GCNT3: variants seen among roughly 807,000 people sequenced by gnomAD.
The protein encoded by GCNT3 is glucosaminyl (N-acetyl) transferase 3, mucin type, also known as beta-1,3-galactosyl-O-glycosyl-glycoprotein beta-1,6-N-acetylglucosaminyltransferase 3.
For missense variants in GCNT3, 708 were observed against 530.3 expected (o/e 1.34, Z -3.29); for synonymous variants, 269 against 195.2 (o/e 1.38, Z -3.15).
chr15:59,618,266 C>T lies in GCNT3; in HGVS notation c.28C>T (p.Leu10=), dbSNP rs1293284234. The change falls in exon 3 of 3, where the codon CTG becomes TTG. Residue 10 remains leucine, a synonymous_variant. Coordinates refer to ENST00000396065, the MANE Select transcript of GCNT3 (RefSeq NM_004751.3). ...GGTTCAATGGAAGAGACTCTGCCAG[C>T]TGCATTACTTGTGGGCTCTGGGCTG... is the stretch of plus-strand genomic sequence containing the variant. MVQWKRLCQ[L]HYLWALGCYM... is the part of the protein sequence containing the mutation. 1 of 1,586,970 alleles carries T rather than the reference C, an allele frequency of 6.3e-7. No homozygotes were observed. The highest frequency in any genetic ancestry group is 8.6e-7 in the Non-Finnish European group (1 of 1,166,328).
rs137893591 is a variant in GCNT3, at chr15:59,617,901, G to A, written c.-60-278G>A. 1,182 of 184,068 alleles carry A rather than the reference G, an allele frequency of 6.4e-3. 11 individuals carry two copies. The highest frequency in any genetic ancestry group is 0.026 in the Middle Eastern group (11 of 422). 11.4% of individuals were successfully genotyped at this position (184,068 alleles called of 1,614,324 possible). On this transcript the variant is annotated intron_variant, in intron 2 of 2. Coordinates refer to ENST00000396065, the MANE Select transcript of GCNT3 (RefSeq NM_004751.3). ...TGAGGAATGAAGGGTGGGTGGGGAC[G>A]TGCTCTTACTAATGACGCTCCATGG...
intron 1 of GCNT3, among the ~76,000 whole-genome samples, chr15:59,613,508 CA>C (rs2141932203): frequency 6.7e-6 from 1 of 149,318 alleles, no homozygotes; most frequent in Non-Finnish European, 1.5e-5. Context: ...CAAGACCAGC[CA>C]GGGGAACAGC....
In GCNT3 at chr15:59,619,095, C is replaced by T. The variant is rs1566908341; in HGVS notation, c.857C>T (p.Pro286Leu). The change falls in exon 3 of 3, where the codon CCC becomes CTC. Residue 286 changes from proline to leucine, a missense_variant. Physicochemically the swap from Pro to Leu is moderately conservative, Grantham distance 98. Coordinates refer to ENST00000396065, the MANE Select transcript of GCNT3 (RefSeq NM_004751.3). ...LHLTNKKKDPPPYNLTMFTGN... is the reference protein window; with the variant it reads ...LHLTNKKKDPLPYNLTMFTGN... The stretch of plus-strand genomic sequence containing the variant: ...CTAACCAACAAGAAGAAGGATCCTC[C>T]CCCTTATAATTTAACTATGTTTACA... 6.2e-7 allele frequency: 1 copy of T among 1,613,994 alleles called. No individual in the cohort carries two copies. Among genetic ancestry groups the T allele is most frequent in the East Asian group, 2.2e-5 (1 of 44,886 alleles).
intron 1 of GCNT3, among the ~76,000 whole-genome samples, chr15:59,615,475 C>G (rs1312292789): frequency 2.6e-5 from 4 of 152,126 alleles, no homozygotes; most frequent in African/African-American, 9.7e-5. Flanking sequence ...TCCCTTAATT[C>G]CCTCAATCTA....
At chr15:59,615,722 T>C (rs115762525) in intron 1 of GCNT3, among the ~76,000 whole-genome samples, 1,484 of 141,178 alleles carry the variant, frequency 0.011, 20 homozygotes, top group African/African-American at 0.037. Flanking sequence ...ATCTCTACTT[T>C]AAAAAAAAAA....
At position 59,619,771 on chromosome 15, in the gene GCNT3, A is replaced by T. The variant is rs3743120; in HGVS notation, c.*216A>T. ...TTGTTCTCTCACCCCTAACCCTAGT[A>T]GTTCCTCCACTAACTTTCTCACTAA... On this transcript the variant is annotated 3_prime_UTR_variant, in exon 3 of 3. Coordinates refer to ENST00000396065, the MANE Select transcript of GCNT3 (RefSeq NM_004751.3). 6 of 481,766 alleles carry T rather than the reference A, an allele frequency of 1.2e-5. No homozygotes were observed. The East Asian group carries it at 2.1e-4, about 17-fold the overall frequency. The allele number at this position is 481,766 out of a possible 1,614,324, so 29.8% of individuals were successfully genotyped here.
chr15:59,619,449 A>G lies in GCNT3; in HGVS notation c.1211A>G (p.Asn404Ser), dbSNP rs780146891. ...GAGDLNWMLQNHHLLANKFDP... is the reference protein window; with the variant it reads ...GAGDLNWMLQSHHLLANKFDP... ...GGGGACTTGAATTGGATGCTTCAAAACCATCACCTGTTGGCCAACAAGTTT... is the reference window on the plus strand; with the variant it reads ...GGGGACTTGAATTGGATGCTTCAAAGCCATCACCTGTTGGCCAACAAGTTT... Residue 404 changes from asparagine (N) to serine (S), a missense_variant, in exon 3 of 3, where the codon AAC becomes AGC. Coordinates refer to ENST00000396065, the MANE Select transcript of GCNT3 (RefSeq NM_004751.3). 3.2e-5 allele frequency: 51 copies of G among 1,613,938 alleles called. No individual in the cohort carries two copies. The highest frequency in any genetic ancestry group is 4.2e-5 in the Non-Finnish European group (50 of 1,180,002).
chr15:59,618,285 T>C lies in GCNT3; in HGVS notation c.47T>C (p.Leu16Pro), dbSNP rs780435408. The C allele has an allele frequency of 1.2e-5, 19 of 1,605,862 alleles. No individual in the cohort carries two copies. In the South Asian group the frequency reaches 2.0e-4, roughly 17 times the overall value. The change falls in exon 3 of 3, where the codon CTG (leucine) becomes CCG (proline). Residue 16 changes from leucine to proline, a missense_variant. Physicochemically the swap from Leu to Pro is moderately conservative, Grantham distance 98. Coordinates refer to ENST00000396065, the MANE Select transcript of GCNT3 (RefSeq NM_004751.3). ...RLCQLHYLWA[L>P]GCYMLLATVA... ...TGCCAGCTGCATTACTTGTGGGCTC[T>C]GGGCTGCTATATGCTGCTGGCCACT...
chr15:59,615,481 A>G (rs950139794), intron 1 of GCNT3, among the ~76,000 whole-genome samples: 3 of 151,964 alleles, frequency 2.0e-5, no homozygotes, highest in African/African-American at 4.8e-5. Context: ...AATTCCCTCA[A>G]TCTAGGAGTG....
intron 1 of GCNT3, among the ~76,000 whole-genome samples, chr15:59,613,736 A>G (rs1271426777): frequency 6.6e-6 from 1 of 152,082 alleles, no homozygotes; most frequent in African/African-American, 2.4e-5. Flanking sequence ...AAATGACAAC[A>G]ACAAAAATAT....
Position 59,618,810 on chromosome 15 carries a change from A to T in GCNT3, c.572A>T (p.Lys191Met). The change falls in exon 3 of 3, where the codon AAG becomes ATG. Residue 191 changes from lysine (K) to methionine (M), a missense_variant. Transcript: ENST00000396065. ...SCFPNVFIAS[K>M]LVRVVYASWS... ...TTCCCAAATGTCTTCATAGCCAGTA[A>T]GCTGGTTCGGGTGGTTTATGCCTCC... is the stretch of plus-strand genomic sequence containing the variant. 1 of 1,614,202 alleles carries T rather than the reference A, an allele frequency of 6.2e-7. No individual in the cohort carries two copies. The highest frequency in any genetic ancestry group is 2.2e-5 in the East Asian group (1 of 44,888).
At chr15:59,616,014 T>C (rs755332529) in intron 1 of GCNT3, among the ~76,000 whole-genome samples, 10 of 152,322 alleles carry the variant, frequency 6.6e-5, no homozygotes, top group Non-Finnish European at 1.3e-4. Flanking sequence ...CATTTTGTAA[T>C]CTATACCATG....
intron 1 of GCNT3, among the ~76,000 whole-genome samples, chr15:59,615,489 G>C (rs1441943672): frequency 5.3e-5 from 8 of 152,076 alleles, no homozygotes; most frequent in African/African-American, 1.9e-4. Flanking sequence ...CAATCTAGGA[G>C]TGGTAGCTAT....
intron 2 of GCNT3, chr15:59,617,922 C>T (rs570444941): frequency 1.2e-4 from 24 of 208,490 alleles, no homozygotes; most frequent in African/African-American, 4.8e-4. Flanking sequence ...AATGACGCTC[C>T]ATGGCAGCAG....
Position 59,616,681 on chromosome 15 carries a change from C to G in GCNT3, c.-250-11C>G, listed in dbSNP as rs1031708397. 6.6e-6 allele frequency: 1 copy of G among 152,180 alleles called. No individual in the cohort carries two copies. The highest frequency in any genetic ancestry group is 1.5e-5 in the Non-Finnish European group (1 of 68,044). The allele number at this position is 152,180 out of a possible 1,614,324, so 9.4% of individuals were successfully genotyped here. A position where few individuals can be genotyped will look rare whatever the true frequency, so the allele number is the denominator to read the frequency against. ...GAGTGATGGAGCCACCTGCTGCCCT[C>G]TACTTTGCAGATATTAAAGAGGAGC... On this transcript the variant is annotated splice_polypyrimidine_tract_variant and intron_variant, in intron 1 of 2. Coordinates refer to ENST00000396065, the MANE Select transcript of GCNT3 (RefSeq NM_004751.3).
At position 59,619,329 on chromosome 15, in the gene GCNT3, T is replaced by C. The variant is rs1399231316; in HGVS notation, c.1091T>C (p.Val364Ala). The C allele has an allele frequency of 6.8e-6, 11 of 1,613,946 alleles. No individual in the cohort carries two copies. Among genetic ancestry groups the C allele is most frequent in the Admixed American group, 3.3e-5 (2 of 59,988 alleles). The change falls in exon 3 of 3, where the codon GTC becomes GCC. Residue 364 changes from valine to alanine, a missense_variant. Transcript: ENST00000396065. ...GACATGACTTCTATTGCCAGGCTGG[T>C]CAAGTGGCAGGGTCATGAGGGAGAC... Reference protein sequence around the residue: ...ISDMTSIARLVKWQGHEGDID... With the variant: ...ISDMTSIARLAKWQGHEGDID...
At position 59,619,752 on chromosome 15, in the gene GCNT3, T is replaced by C. The variant is rs1172936897; in HGVS notation, c.*197T>C. ...CTGCCTGGGTGAATGCTGCTTGTTC[T>C]CTCACCCCTAACCCTAGTAGTTCCT... On this transcript the variant is annotated 3_prime_UTR_variant, in exon 3 of 3. Transcript: ENST00000396065. 9.0e-6 allele frequency: 5 copies of C among 556,016 alleles called. No homozygotes were observed. The highest frequency in any genetic ancestry group is 1.9e-5 in the African/African-American group (1 of 53,126). The allele number at this position is 556,016 out of a possible 1,614,324, so 34.4% of individuals were successfully genotyped here. A position where few individuals can be genotyped will look rare whatever the true frequency, so the allele number is the denominator to read the frequency against.
In GCNT3 at chr15:59,618,315, C is replaced by T. The variant is rs1049988547; in HGVS notation, c.77C>T (p.Ala26Val). Reference sequence around the variant, plus strand: ...TGCTATATGCTGCTGGCCACTGTGGCTCTGAAACTTTCTTTCAGGTTGAAG... The same window carrying T: ...TGCTATATGCTGCTGGCCACTGTGGTTCTGAAACTTTCTTTCAGGTTGAAG... ...LGCYMLLATVALKLSFRLKCD... is the reference protein window; with the variant it reads ...LGCYMLLATVVLKLSFRLKCD... The change falls in exon 3 of 3, where the codon GCT (alanine) becomes GTT (valine). Residue 26 changes from alanine to valine, a missense_variant. Transcript: ENST00000396065. 9.3e-6 allele frequency: 15 copies of T among 1,613,548 alleles called. No homozygotes were observed. Among genetic ancestry groups the T allele is most frequent in the Non-Finnish European group, 1.2e-5 (14 of 1,179,780 alleles).
intron 1 of GCNT3, among the ~76,000 whole-genome samples, chr15:59,615,508 A>G (rs929286398): frequency 1.1e-4 from 17 of 152,154 alleles, no homozygotes; most frequent in Middle Eastern, 3.4e-3. Flanking sequence ...ATGTCCAACA[A>G]TTGCTAGTGC....
Sources: gnomAD v4.1 joint callset for allele counts (sites outside exome capture counted in the v4.1 genomes callset) on GRCh38, gnomAD v4.1.1 for gene constraint, MANE v1.5 for transcripts, NCBI Gene and HGNC (gene_info 2026-07-23, HGNC 2026-07-21) for gene names.